Variants in CDH13 observed in about 807,000 individuals in gnomAD.
The protein encoded by CDH13 is cadherin 13.
In CDH13, 24 loss-of-function variants were observed where a neutral mutation model predicts 63.8. The observed-to-expected ratio is 0.38, with a 90% CI of 0.27 to 0.53. CDH13 has a LOEUF of 0.53. Ranked by LOEUF, CDH13 falls within the 20% of genes least tolerant of loss-of-function variation. CDH13 has a pLI of 0.85. For synonymous variants in CDH13, 503 were observed against 355.3 expected (o/e 1.42, Z -4.67); for missense variants, 1,049 against 903.1 (o/e 1.16, Z -2.07).
intron 11 of CDH13, among the ~76,000 whole-genome samples, chr16:83,779,695 C>T (rs922633696): frequency 6.6e-6 from 1 of 151,712 alleles, no homozygotes; most frequent in African/African-American, 2.4e-5. Context: ...GATGTAAATG[C>T]TAAAAAAATA....
intron 1 of CDH13, among the ~76,000 whole-genome samples, chr16:82,820,992 A>G (rs545865287): frequency 2.4e-4 from 36 of 152,122 alleles, no homozygotes; most frequent in African/African-American, 8.7e-4. Context: ...TTTAACAATG[A>G]TCTCCTCATT....
intron 6 of CDH13, among the ~76,000 whole-genome samples, chr16:83,480,873 C>T (rs1343116261): frequency 1.3e-5 from 2 of 152,208 alleles, no homozygotes; most frequent in Admixed American, 6.5e-5. Context: ...GCAGCTTCTA[C>T]ATCTGTCTCA....
chr16:83,678,722 C>T (rs900105741), intron 10 of CDH13, among the ~76,000 whole-genome samples: 38 of 152,224 alleles, frequency 2.5e-4, no homozygotes, highest in Admixed American at 1.9e-3. Flanking sequence ...AATGACCAGC[C>T]GGGTCTGCTG....
intron 1 of CDH13, among the ~76,000 whole-genome samples, chr16:82,849,298 G>A (rs2039388202): frequency 6.6e-6 from 1 of 152,006 alleles, no homozygotes; most frequent in Non-Finnish European, 1.5e-5. Flanking sequence ...GGTCAGGAGA[G>A]CAACACCATC....
At chr16:83,374,521 C>T (rs1261770066) in intron 6 of CDH13, among the ~76,000 whole-genome samples, 3 of 152,192 alleles carry the variant, frequency 2.0e-5, no homozygotes, top group African/African-American at 7.2e-5. Context: ...AAACATACCC[C>T]AAACTTGAGT....
chr16:82,791,341 G>A (rs1022842524), intron 1 of CDH13, among the ~76,000 whole-genome samples: 6 of 152,022 alleles, frequency 3.9e-5, no homozygotes, highest in Non-Finnish European at 7.3e-5. Context: ...AACAAATCAG[G>A]TTGTAAAGAG....
At chr16:82,793,434 AT>A (rs2036417792) in intron 1 of CDH13, among the ~76,000 whole-genome samples, 1 of 144,008 alleles carries the variant, frequency 6.9e-6, no homozygotes, top group Admixed American at 6.9e-5. Flanking sequence ...ATTTAATTGA[AT>A]GTTCTTTATA....
chr16:83,316,558 G>A (rs1047008710), intron 5 of CDH13, among the ~76,000 whole-genome samples: 2 of 152,152 alleles, frequency 1.3e-5, no homozygotes, highest in Non-Finnish European at 2.9e-5. Context: ...ATGTGCTAGG[G>A]AATGTGGTCT....
intron 2 of CDH13, among the ~76,000 whole-genome samples, chr16:82,866,311 T>C (rs920171669): frequency 1.3e-5 from 2 of 151,648 alleles, no homozygotes; most frequent in Non-Finnish European, 2.9e-5. Context: ...GGTATCCTTA[T>C]AGCAGCACCC....
chr16:82,873,057 C>A (rs1401862159), intron 2 of CDH13, among the ~76,000 whole-genome samples: 1 of 152,172 alleles, frequency 6.6e-6, no homozygotes, highest in Non-Finnish European at 1.5e-5. Flanking sequence ...ATAGAGATTT[C>A]TGCATGGCTG....
At chr16:83,577,772 T>G (rs1177263259) in intron 7 of CDH13, among the ~76,000 whole-genome samples, 2 of 152,196 alleles carry the variant, frequency 1.3e-5, no homozygotes, top group African/African-American at 4.8e-5. Flanking sequence ...TATATTTTGC[T>G]CTGATAATAA....
chr16:83,698,129 A>G (rs1400476210), intron 10 of CDH13, among the ~76,000 whole-genome samples: 1 of 152,236 alleles, frequency 6.6e-6, no homozygotes, highest in Non-Finnish European at 1.5e-5. Context: ...TTAGTTAACG[A>G]ATGAATTGCA....
At chr16:83,269,917 A>G (rs1418915614) in intron 5 of CDH13, among the ~76,000 whole-genome samples, 1 of 152,224 alleles carries the variant, frequency 6.6e-6, no homozygotes, top group Non-Finnish European at 1.5e-5. Context: ...ATGCTAAGTT[A>G]AACAGAATTG....
intron 10 of CDH13, among the ~76,000 whole-genome samples, chr16:83,700,607 T>C (rs1190142350): frequency 6.6e-6 from 1 of 152,216 alleles, no homozygotes; most frequent in Non-Finnish European, 1.5e-5. Flanking sequence ...ATTTCTTTTG[T>C]TTACAGGTTT....
At chr16:82,900,176 G>C (rs1268245991) in intron 2 of CDH13, among the ~76,000 whole-genome samples, 1 of 152,174 alleles carries the variant, frequency 6.6e-6, no homozygotes, top group East Asian at 1.9e-4. Context: ...GCCCCTTTTA[G>C]ATCACATCTT....
At chr16:83,713,392 T>C (rs2150925935) in intron 10 of CDH13, among the ~76,000 whole-genome samples, 1 of 152,138 alleles carries the variant, frequency 6.6e-6, no homozygotes, top group South Asian at 2.1e-4. Context: ...AAAGCCACAC[T>C]GGTTTGTAAT....
chr16:83,294,451 G>A (rs1331763891), intron 5 of CDH13, among the ~76,000 whole-genome samples: 1 of 152,056 alleles, frequency 6.6e-6, no homozygotes, highest in Non-Finnish European at 1.5e-5. Context: ...ACTTCTGTGA[G>A]CTCAACATTT....
At chr16:83,515,408 C>T (rs1277868849) in intron 7 of CDH13, among the ~76,000 whole-genome samples, 1 of 152,070 alleles carries the variant, frequency 6.6e-6, no homozygotes, top group African/African-American at 2.4e-5. Flanking sequence ...CAATAATAAA[C>T]AGTCAAGACT....
At chr16:82,851,676 CGTGTGT>C (rs3046491) in intron 1 of CDH13, among the ~76,000 whole-genome samples, 21 of 149,774 alleles carry the variant, frequency 1.4e-4, no homozygotes, top group South Asian at 6.4e-4. Flanking sequence ...CATGTGTGTA[CGTGTGT>C]GTGTGTGTGT....
Sources: gnomAD v4.1 joint callset for allele counts (sites outside exome capture counted in the v4.1 genomes callset) on GRCh38, gnomAD v4.1.1 for gene constraint, MANE v1.5 for transcripts, NCBI Gene and HGNC (gene_info 2026-07-23, HGNC 2026-07-21) for gene names.